The following NEGR1 variants were observed in gnomAD, a reference collection of about 807,000 sequenced individuals.
The protein encoded by NEGR1 is IgLON family member 4.
A neutral mutation model predicts 40.9 loss-of-function variants in NEGR1; 10 were observed. The ratio of observed to expected loss-of-function variants is 0.24; its 90% CI spans 0.15 to 0.42. The LOEUF (loss-of-function observed/expected upper bound fraction) is 0.42, where lower values mean the gene tolerates loss of function less well. Ranked by LOEUF, NEGR1 falls within the 10% of genes least tolerant of loss-of-function variation. The pLI is 1.00. For missense variants in NEGR1, 352 were observed against 438.9 expected, an observed-to-expected ratio of 0.80 and a Z score of 1.77; for synonymous variants, 185 against 166.8, an observed-to-expected ratio of 1.11 and a Z score of -0.84.
At chr1:72,153,828 C>T (rs946569004) in intron 1 of NEGR1, among the ~76,000 whole-genome samples, 2 of 151,740 alleles carry the variant, frequency 1.3e-5, no homozygotes, top group African/African-American at 4.8e-5. Flanking sequence ...TACTAACTCA[C>T]GGTAGCATGG....
At chr1:71,497,910 A>G (rs1451379627) in intron 6 of NEGR1, among the ~76,000 whole-genome samples, 1 of 152,088 alleles carries the variant, frequency 6.6e-6, no homozygotes, top group Non-Finnish European at 1.5e-5. Flanking sequence ...TCAGGGTAGG[A>G]TGCTAAATTA....
intron 3 of NEGR1, among the ~76,000 whole-genome samples, chr1:71,768,975 A>G (rs1656222613): frequency 1.3e-5 from 2 of 152,116 alleles, no homozygotes; most frequent in East Asian, 3.9e-4. Flanking sequence ...TTCCACCATG[A>G]CTATAAGTTT....
intron 1 of NEGR1, among the ~76,000 whole-genome samples, chr1:72,239,081 G>T (rs959667205): frequency 1.3e-5 from 2 of 151,780 alleles, no homozygotes; most frequent in African/African-American, 4.8e-5. Context: ...TTGGGTCAAA[G>T]AAGTGGTCCA....
intron 2 of NEGR1, 35 bp downstream of exon 2, chr1:71,935,044 G>T: frequency 8.1e-7 from 1 of 1,228,162 alleles, no homozygotes; most frequent in Non-Finnish European, 1.2e-6. Flanking sequence ...TCTAAGCACA[G>T]TCTTTCACAA....
intron 4 of NEGR1, among the ~76,000 whole-genome samples, chr1:71,689,328 G>T (rs1299554238): frequency 6.6e-6 from 1 of 152,108 alleles, no homozygotes. Flanking sequence ...ATAACTATCA[G>T]AAAAACATCA....
intron 3 of NEGR1, among the ~76,000 whole-genome samples, chr1:71,741,589 C>CA (rs1462743866): frequency 6.6e-6 from 1 of 152,156 alleles, no homozygotes; most frequent in African/African-American, 2.4e-5. Flanking sequence ...AAAATTCATA[C>CA]AAAAAACCCT....
At chr1:72,027,268 G>T (rs1031893228) in intron 1 of NEGR1, among the ~76,000 whole-genome samples, 2 of 152,022 alleles carry the variant, frequency 1.3e-5, no homozygotes, top group Non-Finnish European at 2.9e-5. Flanking sequence ...TCTTTTCATG[G>T]GTTAAAGTAC....
chr1:71,571,625 A>C (rs1192888559), intron 6 of NEGR1, among the ~76,000 whole-genome samples: 3 of 151,948 alleles, frequency 2.0e-5, no homozygotes, highest in Admixed American at 1.3e-4. Context: ...CCACGTCTCT[A>C]CCAAAAATAC....
intron 6 of NEGR1, among the ~76,000 whole-genome samples, chr1:71,472,178 G>A (rs1160674842): frequency 1.3e-5 from 2 of 152,102 alleles, no homozygotes; most frequent in South Asian, 4.1e-4. Context: ...CATTGAGTCT[G>A]TACAGGCAGT....
chr1:71,671,924 A>G (rs1019975082), intron 4 of NEGR1, among the ~76,000 whole-genome samples: 29 of 139,848 alleles, frequency 2.1e-4, no homozygotes, highest in African/African-American at 7.8e-4. Flanking sequence ...TTTAAGAGAC[A>G]GCTCTCATTC....
intron 3 of NEGR1, among the ~76,000 whole-genome samples, chr1:71,711,849 T>C (rs1038310759): frequency 1.3e-5 from 2 of 152,226 alleles, no homozygotes; most frequent in South Asian, 2.1e-4. Context: ...ACATGTCTTA[T>C]TGTTTTCAAA....
intron 1 of NEGR1, among the ~76,000 whole-genome samples, chr1:72,050,468 C>CT (rs1647048937): frequency 6.6e-6 from 1 of 151,512 alleles, no homozygotes; most frequent in Admixed American, 6.6e-5. Context: ...TATTAGCCGA[C>CT]TTATTAAAAT....
intron 4 of NEGR1, among the ~76,000 whole-genome samples, chr1:71,627,429 A>G (rs931565791): frequency 1.3e-5 from 2 of 151,970 alleles, no homozygotes; most frequent in Non-Finnish European, 2.9e-5. Flanking sequence ...TTTGTCTATG[A>G]CTCCCACCAA....
At chr1:71,624,700 C>T (rs571500559) in intron 4 of NEGR1, among the ~76,000 whole-genome samples, 2 of 151,864 alleles carry the variant, frequency 1.3e-5, no homozygotes, top group African/African-American at 2.4e-5. Flanking sequence ...ATTGACATGT[C>T]GTGCTTACAT....
At chr1:71,597,523 A>T (rs1649764746) in intron 5 of NEGR1, among the ~76,000 whole-genome samples, 1 of 118,130 alleles carries the variant, frequency 8.5e-6, no homozygotes, top group African/African-American at 3.0e-5. Context: ...ATCAGACTGT[A>T]TTTCTAGTCT....
At chr1:72,048,373 TTAACAGTACATCATTAGA>T (rs904473111) in intron 1 of NEGR1, among the ~76,000 whole-genome samples, 12 of 139,158 alleles carry the variant, frequency 8.6e-5, no homozygotes, top group African/African-American at 3.0e-4. Flanking sequence ...AATAAATTGC[TTAACAGTACATCATTAGA>T]AACAAATCGT....
chr1:71,602,705 G>A (rs1345890296), intron 5 of NEGR1, among the ~76,000 whole-genome samples: 1 of 152,084 alleles, frequency 6.6e-6, no homozygotes, highest in Admixed American at 6.5e-5. Context: ...CTTGGCTTAG[G>A]GTTCCCTGAA....
intron 4 of NEGR1, among the ~76,000 whole-genome samples, chr1:71,622,074 T>C (rs551435491): frequency 2.6e-4 from 39 of 152,068 alleles, no homozygotes; most frequent in Admixed American, 8.5e-4. Context: ...TGTCCCCTTG[T>C]AGTCAGCAAT....
intron 1 of NEGR1, among the ~76,000 whole-genome samples, chr1:71,972,556 T>C (rs1357369807): frequency 6.6e-6 from 1 of 152,194 alleles, no homozygotes; most frequent in East Asian, 1.9e-4. Context: ...TTAAACTTTA[T>C]TTATGTTGCT....
Sources: allele counts gnomAD v4.1 joint callset (sites outside exome capture counted in the v4.1 genomes callset), GRCh38; gene constraint gnomAD v4.1.1; transcripts MANE v1.5; gene names NCBI Gene and HGNC (gene_info 2026-07-23, HGNC 2026-07-21).